Variants in BCL6 observed in about 807,000 individuals in gnomAD.
BCL6 encodes B-cell lymphoma 6 protein.
BCL6 carries 7 observed loss-of-function variants against 59.5 expected under a neutral mutation model. The observed-to-expected ratio is 0.12, with a 90% CI of 0.07 to 0.22. The LOEUF (loss-of-function observed/expected upper bound fraction) is 0.22. Ranked by LOEUF, BCL6 falls within the 10% of genes least tolerant of loss-of-function variation. The pLI is 1.00. For missense variants in BCL6, 685 were observed against 939.4 expected, an observed-to-expected ratio of 0.73 and a Z score of 3.54; for synonymous variants, 339 against 349.7, an observed-to-expected ratio of 0.97 and a Z score of 0.34.
At chr3:187,744,530 A>G (rs1711788763) in intron 1 of BCL6, among the ~76,000 whole-genome samples, 1 of 152,296 alleles carries the variant, frequency 6.6e-6, no homozygotes, top group African/African-American at 2.4e-5. Flanking sequence ...ACGGCTCTGA[A>G]AGGAAATAGT....
Position 187,731,659 on chromosome 3 carries a change from C to G in BCL6, c.383+50G>C, listed in dbSNP as rs41268623. 1.9e-6 allele frequency: 3 copies of G among 1,567,654 alleles called. No individual in the cohort carries two copies. The African/African-American group carries it at 4.1e-5, about 21-fold the overall frequency. On this transcript the variant is annotated intron_variant, in intron 4 of 9. Coordinates refer to ENST00000406870, the MANE Select transcript of BCL6 (RefSeq NM_001706.5). ...GCATGAATTATCAAAGGTTTCTGAT[C>G]GGGGACTATCTCTTCCATCTCCGAC...
At chr3:187,727,752 C>A (rs1718793331) in intron 6 of BCL6, among the ~76,000 whole-genome samples, 1 of 152,180 alleles carries the variant, frequency 6.6e-6, no homozygotes, top group Non-Finnish European at 1.5e-5. Context: ...TGATTTTACC[C>A]TGATTAGGTA....
At chr3:187,722,740 T>C (rs1718486456) in intron 9 of BCL6, 139 bp from the exon 10 acceptor site, 5 of 1,068,650 alleles carry the variant, frequency 4.7e-6, no homozygotes, top group Admixed American at 2.8e-5. Flanking sequence ...GAAGAACCCA[T>C]ATGCATCCGG....
rs78155082 is a variant in BCL6 at position 187,742,881 on chromosome 3, A to C, written c.-50+2529T>G. Among the ~76,000 whole-genome samples the C allele has an allele frequency of 6.2e-3, 952 of 152,324 alleles. 9 individuals are homozygous for C. The highest frequency in any genetic ancestry group is 0.011 in the Non-Finnish European group (743 of 68,020). The stretch of plus-strand genomic sequence containing the variant: ...CTTTGAGCTCATGTTTGCTACCTCC[A>C]GGAATAGCGTGTGGACTAGGGCCAG... On this transcript the variant is annotated intron_variant, in intron 1 of 9. Transcript: ENST00000406870.
intron 1 of BCL6, among the ~76,000 whole-genome samples, chr3:187,735,174 C>T (rs1171630691): frequency 1.3e-5 from 2 of 152,188 alleles, no homozygotes; most frequent in South Asian, 2.1e-4. Context: ...TACATACATA[C>T]ATATATTTCC....
At chr3:187,738,028 C>G (rs1719373159) in intron 1 of BCL6, 1 of 152,100 alleles carries the variant, frequency 6.6e-6, no homozygotes, top group Non-Finnish European at 1.5e-5. Flanking sequence ...ATACAGCACA[C>G]TTTCCCCTAA....
Position 187,726,720 on chromosome 3 carries a change from C to A in BCL6, c.1708+11G>T, listed in dbSNP as rs374100804. ...TGTGGAGAGTTCGGGTCGTGTGGGG[C>A]AGGGCCATACCGGTATGGACGGTCT... is the stretch of plus-strand genomic sequence containing the variant. On this transcript the variant is annotated intron_variant, in intron 7 of 9. Coordinates refer to ENST00000406870, the MANE Select transcript of BCL6 (RefSeq NM_001706.5). 15 of 1,612,928 alleles carry A rather than the reference C, an allele frequency of 9.3e-6. No homozygotes were observed. Among genetic ancestry groups the A allele is most frequent in the Non-Finnish European group, 1.1e-5 (13 of 1,179,558 alleles).
In BCL6 at chr3:187,740,482, CCAATGAACACTGGCA is replaced by C. The variant is rs1711546936; in HGVS notation, c.-50+4913_-50+4927del. Among the ~76,000 whole-genome samples, 3 of 152,262 alleles carry C rather than the reference CCAATGAACACTGGCA, an allele frequency of 2.0e-5. No homozygotes were observed. In the East Asian group the frequency reaches 5.8e-4, roughly 29 times the overall value. The stretch of plus-strand genomic sequence containing the variant: ...CTCCAAGACTGCTGGGGAGCGGTTT[CCAATGAACACTGGCA>C]ACAAAGGTGACCTAAGAGGTTAAAC... On this transcript the variant is annotated intron_variant, in intron 1 of 9. Transcript: ENST00000406870.
In BCL6 at chr3:187,721,410, T is replaced by G; in HGVS notation, c.*1048A>C. On this transcript the variant is annotated 3_prime_UTR_variant, in exon 10 of 10. Coordinates refer to ENST00000406870, the MANE Select transcript of BCL6 (RefSeq NM_001706.5). The surrounding 1 kb of genome is among the most constrained non-coding windows in gnomAD (Gnocchi z 4.2). Reference sequence around the variant, plus strand: ...ACTTTTCAACATTTTATTCTTATATTTGTACAGCTATATTTTACAACGCGG... The same window carrying G: ...ACTTTTCAACATTTTATTCTTATATGTGTACAGCTATATTTTACAACGCGG... The G allele has an allele frequency of 4.4e-6, 1 of 229,008 alleles. No individual in the cohort carries two copies. The highest frequency in any genetic ancestry group is 6.2e-5 in the East Asian group (1 of 16,024). The allele number at this position is 229,008 out of a possible 1,614,324, so 14.2% of individuals were successfully genotyped here.
intron 1 of BCL6, among the ~76,000 whole-genome samples, chr3:187,744,835 A>C (rs1241193305): frequency 6.6e-6 from 1 of 152,246 alleles, no homozygotes; most frequent in Admixed American, 6.5e-5. Context: ...TTTGCAAGCG[A>C]GAAAAGAGGG....
intron 1 of BCL6, chr3:187,737,805 G>A (rs1240624587): frequency 8.1e-6 from 1 of 123,702 alleles, no homozygotes; most frequent in Non-Finnish European, 1.6e-5. Context: ...AGCAGGCAAT[G>A]AGGGGAATGA....
At chr3:187,727,619 T>A (rs954459155) in intron 6 of BCL6, among the ~76,000 whole-genome samples, 1 of 152,100 alleles carries the variant, frequency 6.6e-6, no homozygotes, top group African/African-American at 2.4e-5. Context: ...CTAGCCAGGG[T>A]GCAGGAGGGG....
At chr3:187,735,627 C>T (rs1719249062) in intron 1 of BCL6, among the ~76,000 whole-genome samples, 1 of 152,192 alleles carries the variant, frequency 6.6e-6, no homozygotes, top group Non-Finnish European at 1.5e-5. Flanking sequence ...TAAGTTTGTG[C>T]TTCTCCCTGC....
intron 9 of BCL6, among the ~76,000 whole-genome samples, chr3:187,723,068 A>G (rs957041203): frequency 4.6e-5 from 7 of 152,144 alleles, no homozygotes; most frequent in African/African-American, 1.4e-4. Context: ...CCTAAACTTT[A>G]TAATCTTCCT....
At chr3:187,728,870 G>A (rs1718867027) in intron 5 of BCL6, among the ~76,000 whole-genome samples, 180 bp downstream of exon 5, 2 of 152,154 alleles carry the variant, frequency 1.3e-5, no homozygotes, top group Non-Finnish European at 2.9e-5. Context: ...TATCTCTCTT[G>A]CTATGAAAAA....
intron 6 of BCL6, 69 bp from the exon 7 acceptor site, chr3:187,726,967 T>C (rs1718737663): frequency 1.3e-6 from 2 of 1,539,852 alleles, no homozygotes; most frequent in Non-Finnish European, 1.8e-6. Context: ...AAGGCCGCTC[T>C]CCTCTGTAGC....
rs769911330 is a variant in BCL6 at position 187,729,422 on chromosome 3, A to G, written c.983T>C (p.Leu328Pro). The G allele has an allele frequency of 1.2e-6, 2 of 1,611,536 alleles. No homozygotes were observed. The highest frequency in any genetic ancestry group is 3.3e-5 in the Admixed American group (2 of 59,832). The change falls in exon 5 of 10, where the codon CTG becomes CCG. Residue 328 changes from leucine (L) to proline (P), a missense_variant. By Grantham distance (98) the Leu-to-Pro change is moderately conservative (BLOSUM62 -3). Transcript: ENST00000406870. This position sits in a 1 kb window ranked among gnomAD's most constrained non-coding sequence, Gnocchi z 5.6. ...PPNAPLNRKG[L>P]VSPQSPQKSD... ...TTTCTGGGGGCTCTGTGGACTAACC[A>G]GACCCTTCCGGTTCAGGGGTGCATT...
chr3:187,725,435 C>T lies in BCL6; in HGVS notation c.1839+64G>A. 1 of 1,590,798 alleles carries T rather than the reference C, an allele frequency of 6.3e-7. No individual in the cohort carries two copies. Among genetic ancestry groups the T allele is most frequent in the Non-Finnish European group, 8.6e-7 (1 of 1,167,010 alleles). On this transcript the variant is annotated intron_variant, in intron 8 of 9. Transcript: ENST00000406870. The surrounding 1 kb of genome is among the most constrained non-coding windows in gnomAD (Gnocchi z 4.7). The stretch of plus-strand genomic sequence containing the variant: ...GCCCACTCCTCCGCTTGCCTGCCCA[C>T]TCCTCCGCTCGCCTGCCCGCTCCGC...
chr3:187,728,455 G>A lies in BCL6; in HGVS notation c.1445C>T (p.Ser482Phe), dbSNP rs1242950510. ...GAGGCACATCTCTGCATGCTGTGGG[G>A]ACTGAGAGCCGCAGGACGTGCACTT... ...PPKCTSCGSQ[S>F]PQHAEMCLHT... is the part of the protein sequence containing the mutation. The change falls in exon 6 of 10, where the codon TCC (serine) becomes TTC (phenylalanine). Residue 482 changes from serine (S) to phenylalanine (F), a missense_variant. Physicochemically the swap from Ser to Phe is radical, Grantham distance 155. Coordinates refer to ENST00000406870, the MANE Select transcript of BCL6 (RefSeq NM_001706.5). The A allele has an allele frequency of 1.2e-6, 2 of 1,612,502 alleles. No homozygotes were observed. The highest frequency in any genetic ancestry group is 2.2e-5 in the East Asian group (1 of 44,798).
Sources: allele counts gnomAD v4.1 joint callset (sites outside exome capture counted in the v4.1 genomes callset), GRCh38; gene constraint gnomAD v4.1.1; non-coding constraint Gnocchi (gnomAD v3.1); transcripts MANE v1.5; gene names NCBI Gene and HGNC (gene_info 2026-07-23, HGNC 2026-07-21).